TMPRSS9: variants seen among roughly 807,000 people sequenced by gnomAD.
TMPRSS9 encodes transmembrane serine protease 9.
In TMPRSS9, 113 loss-of-function variants were observed where a neutral mutation model predicts 111.4. The observed-to-expected ratio is 1.01, with a 90% confidence interval of 0.87 to 1.19. The LOEUF (loss-of-function observed/expected upper bound fraction) is 1.19, where lower values mean the gene tolerates loss of function less well. Among genes scored for constraint, TMPRSS9 ranks in the 50% most tolerant of loss-of-function variants. The probability of loss-of-function intolerance (pLI) is 0.00; values close to 1 mark genes in which losing one functional copy is unlikely to be tolerated. For missense variants in TMPRSS9, 1,803 were observed against 1,513.1 expected (o/e 1.19, Z -3.18); for synonymous variants, 805 against 659.1 (o/e 1.22, Z -3.39).
At chr19:2,416,390 C>T in intron 11 of TMPRSS9, 148 bp from the exon 13 acceptor site, 3 of 1,066,104 alleles carry the variant, frequency 2.8e-6, no homozygotes, top group Non-Finnish European at 3.9e-6. Flanking sequence ...TTCCCTGGTC[C>T]TCCTCCCTGG....
intron 14 of TMPRSS9, among the ~76,000 whole-genome samples, chr19:2,423,874 G>A (rs1164829903): frequency 1.3e-5 from 2 of 152,152 alleles, no homozygotes; most frequent in Non-Finnish European, 2.9e-5. Flanking sequence ...TGAAGTCATA[G>A]GAAACAAATG....
Position 2,417,993 on chromosome 19 carries a change from C to G in TMPRSS9, c.2018-9C>G, listed in dbSNP as rs78031006. On this transcript the variant is annotated splice_polypyrimidine_tract_variant and intron_variant, in intron 12 of 17. Coordinates refer to ENST00000648592, the Ensembl canonical transcript of TMPRSS9. ...GTGCACGTGGCCTTTCTGGCTCTTTCCCTGGTAGCCACCAAGCCCGAGCTC... is the reference window on the plus strand; with the variant it reads ...GTGCACGTGGCCTTTCTGGCTCTTTGCCTGGTAGCCACCAAGCCCGAGCTC... 6.2e-7 allele frequency: 1 copy of G among 1,611,702 alleles called. No homozygotes were observed. Among genetic ancestry groups the G allele is most frequent in the Non-Finnish European group, 8.5e-7 (1 of 1,179,418 alleles).
chr19:2,394,916 A>T (rs1970676315), intron 1 of TMPRSS9, among the ~76,000 whole-genome samples: 1 of 152,150 alleles, frequency 6.6e-6, no homozygotes, highest in African/African-American at 2.4e-5. Context: ...TTGCATCAGC[A>T]TAGGAATTTT....
intron 1 of TMPRSS9, among the ~76,000 whole-genome samples, chr19:2,379,616 T>TCTTC (rs1555676525): frequency 6.4e-4 from 6 of 9,422 alleles, no homozygotes; most frequent in South Asian, 8.2e-3. Flanking sequence ...ACTTTCTTTC[T>TCTTC]CTTTCTTTCT....
chr19:2,373,919 C>T (rs550218812), intron 1 of TMPRSS9, among the ~76,000 whole-genome samples: 2 of 152,300 alleles, frequency 1.3e-5, no homozygotes, highest in South Asian at 4.1e-4. Flanking sequence ...AACTTGTCAG[C>T]TTTTCACTGA....
rs778290863 is a variant in TMPRSS9 at position 2,378,858 on chromosome 19, C to T, written c.-25-10903C>T. ...AGCAAACATGTCCTTCTTCACATGG[C>T]GGTAGGAGAGAGAAGAATGAAAGCC... On this transcript the variant is annotated intron_variant, in intron 1 of 17. Transcript: ENST00000649857. Among the ~76,000 whole-genome samples the T allele has an allele frequency of 1.3e-4, 20 of 152,116 alleles. 1 individual carries two copies. Among genetic ancestry groups the T allele is most frequent in the African/African-American group, 4.3e-4 (18 of 41,414 alleles).
intron 13 of TMPRSS9, among the ~76,000 whole-genome samples, chr19:2,419,651 G>A (rs1333423578): frequency 6.6e-6 from 1 of 151,822 alleles, no homozygotes; most frequent in African/African-American, 2.4e-5. Context: ...GGAGTAGCTG[G>A]GACTACAGGC....
intron 1 of TMPRSS9, among the ~76,000 whole-genome samples, chr19:2,379,202 T>G (rs1264736632): frequency 6.8e-6 from 1 of 147,672 alleles, no homozygotes; most frequent in Non-Finnish European, 1.5e-5. Flanking sequence ...TTTTTTTTTT[T>G]TGAGACAGAG....
chr19:2,394,240 G>A (rs888107967), intron 1 of TMPRSS9, among the ~76,000 whole-genome samples: 1 of 102,450 alleles, frequency 9.8e-6, no homozygotes, highest in East Asian at 3.0e-4. Context: ...CCAGCCAGGC[G>A]TGATAGTGGG....
chr19:2,386,946 C>T (rs890476595), upstream of TMPRSS9, among the ~76,000 whole-genome samples: 2 of 152,146 alleles, frequency 1.3e-5, no homozygotes, highest in African/African-American at 4.8e-5. Context: ...GAGATCACGC[C>T]ACTGCACAGT....
intron 1 of TMPRSS9, among the ~76,000 whole-genome samples, chr19:2,394,142 G>A (rs1222941966): frequency 6.6e-6 from 1 of 152,094 alleles, no homozygotes; most frequent in Admixed American, 6.6e-5. Context: ...GGCAGAGGTT[G>A]CACTGAGCCA....
rs145259969 is a variant in TMPRSS9 at position 2,406,755 on chromosome 19, A to G, written c.842+1210A>G. On this transcript the variant is annotated intron_variant, in intron 7 of 17. Transcript: ENST00000648592. ...TGTTGATGTTTTGCTCATTGTGGAC[A>G]TTTTTTGCATTCACTTTGATTTTTT... Among the ~76,000 whole-genome samples the G allele has an allele frequency of 1.3e-3, 193 of 149,024 alleles. 1 individual carries two copies. The highest frequency in any genetic ancestry group is 4.5e-3 in the African/African-American group (182 of 40,364).
At chr19:2,395,596 CA>C (rs966833479) in intron 1 of TMPRSS9, among the ~76,000 whole-genome samples, 66 of 151,956 alleles carry the variant, frequency 4.3e-4, no homozygotes, top group African/African-American at 1.5e-3. Context: ...CCTGTAATCT[CA>C]GCTACTCCGG....
upstream of TMPRSS9, among the ~76,000 whole-genome samples, chr19:2,385,203 AG>A (rs1180492986): frequency 4.2e-4 from 8 of 19,016 alleles, no homozygotes; most frequent in South Asian, 5.1e-3. Context: ...GCGGGGCTCG[AG>A]GGGGCGGGGC....
At chr19:2,371,085 C>T (rs929592075) in intron 1 of TMPRSS9, among the ~76,000 whole-genome samples, 5 of 152,188 alleles carry the variant, frequency 3.3e-5, no homozygotes, top group Non-Finnish European at 7.4e-5. Context: ...CCCCGGATGT[C>T]CTCTGCGAAG....
At chr19:2,369,066 C>T (rs1353403545) in intron 1 of TMPRSS9, among the ~76,000 whole-genome samples, 1 of 151,640 alleles carries the variant, frequency 6.6e-6, no homozygotes, top group Non-Finnish European at 1.5e-5. Context: ...ATTCTCCTGC[C>T]TCAGCCTCCA....
intron 7 of TMPRSS9, among the ~76,000 whole-genome samples, chr19:2,405,933 T>G (rs1466346128): frequency 1.3e-5 from 2 of 151,452 alleles, no homozygotes; most frequent in African/African-American, 4.9e-5. Context: ...CCTGACCTTG[T>G]GATCTGCCTG....
At chr19:2,406,907 C>G (rs1231884360) in intron 7 of TMPRSS9, among the ~76,000 whole-genome samples, 2 of 151,062 alleles carry the variant, frequency 1.3e-5, no homozygotes, top group African/African-American at 4.9e-5. Context: ...TCAAGCGATT[C>G]TCCTGCCTCA....
chr19:2,413,635 T>G, intron 9 of TMPRSS9, 65 bp from the exon 11 acceptor site: 1 of 1,527,438 alleles, frequency 6.5e-7, no homozygotes. Context: ...TTCTTGGGCC[T>G]CGTAGCACTG....
Sources: gnomAD v4.1 joint callset for allele counts (sites outside exome capture counted in the v4.1 genomes callset) on GRCh38, gnomAD v4.1.1 for gene constraint, MANE v1.5 for transcripts, NCBI Gene and HGNC (gene_info 2026-07-23, HGNC 2026-07-21) for gene names.